Variants in MAGI2 observed in about 807,000 individuals in gnomAD.
MAGI2 encodes the protein membrane-associated guanylate kinase, WW and PDZ domain-containing protein 2.
MAGI2 carries 35 observed loss-of-function variants against 133.3 expected under a neutral mutation model. The observed-to-expected ratio is 0.26, with a 90% CI of 0.20 to 0.35. The LOEUF (loss-of-function observed/expected upper bound fraction) is 0.35. Ranked by LOEUF, MAGI2 falls within the 10% of genes least tolerant of loss-of-function variation. The pLI, the probability that MAGI2 is intolerant of heterozygous loss-of-function variation, is 1.00. For missense variants in MAGI2, 1,636 were observed against 1,863.4 expected, an observed-to-expected ratio of 0.88 and a Z score of 2.25; for synonymous variants, 729 against 710.6, an observed-to-expected ratio of 1.03 and a Z score of -0.41.
At chr7:78,482,878 TACACACACACAC>T (rs3086358) in intron 6 of MAGI2, among the ~76,000 whole-genome samples, 98 of 89,950 alleles carry the variant, frequency 1.1e-3, no homozygotes, top group African/African-American at 2.9e-3. Context: ...CACATGGAAC[TACACACACACAC>T]ACACACACAC....
At chr7:78,311,706 A>G (rs1334457205) in intron 9 of MAGI2, among the ~76,000 whole-genome samples, 4 of 152,208 alleles carry the variant, frequency 2.6e-5, no homozygotes, top group Non-Finnish European at 5.9e-5. Context: ...CATACTGATA[A>G]AACATTTAGA....
At chr7:78,579,460 A>C (rs1400992823) in intron 3 of MAGI2, among the ~76,000 whole-genome samples, 1 of 152,306 alleles carries the variant, frequency 6.6e-6, no homozygotes, top group Non-Finnish European at 1.5e-5. Flanking sequence ...TAGATTTACA[A>C]AAACAAAAGG....
chr7:78,609,811 G>A (rs918726831), intron 3 of MAGI2, among the ~76,000 whole-genome samples: 2 of 152,146 alleles, frequency 1.3e-5, no homozygotes, highest in African/African-American at 4.8e-5. Flanking sequence ...CTGTTATGTA[G>A]TAGGCTGATT....
At chr7:78,888,976 C>G (rs886081395) in intron 2 of MAGI2, among the ~76,000 whole-genome samples, 1 of 151,934 alleles carries the variant, frequency 6.6e-6, no homozygotes, top group Admixed American at 6.6e-5. Context: ...AGTTAAAAAC[C>G]TTGAAAAAAA....
chr7:78,846,107 T>G (rs1209620048), intron 2 of MAGI2, among the ~76,000 whole-genome samples: 1 of 151,886 alleles, frequency 6.6e-6, no homozygotes, highest in Non-Finnish European at 1.5e-5. Context: ...TATGCCATTT[T>G]GACAAGGTAC....
intron 21 of MAGI2, among the ~76,000 whole-genome samples, chr7:78,045,815 A>T (rs1811362493): frequency 6.6e-6 from 1 of 152,166 alleles, no homozygotes; most frequent in Non-Finnish European, 1.5e-5. Flanking sequence ...CATACTCCGG[A>T]TGGGAGATGT....
intron 1 of MAGI2, among the ~76,000 whole-genome samples, chr7:79,260,800 C>T (rs1211413630): frequency 2.0e-5 from 3 of 152,112 alleles, no homozygotes; most frequent in African/African-American, 7.2e-5. Flanking sequence ...GTCTCATCCC[C>T]AAGATATCTC....
intron 2 of MAGI2, among the ~76,000 whole-genome samples, chr7:78,690,239 C>T (rs943518612): frequency 6.6e-6 from 1 of 152,170 alleles, no homozygotes; most frequent in African/African-American, 2.4e-5. Flanking sequence ...CAAAGACACA[C>T]TTAGCGAATG....
At chr7:78,361,949 T>C (rs764834925) in intron 7 of MAGI2, among the ~76,000 whole-genome samples, 1 of 152,078 alleles carries the variant, frequency 6.6e-6, no homozygotes, top group African/African-American at 2.4e-5. Context: ...TGGATGGTAG[T>C]GGTGAGAAGA....
intron 2 of MAGI2, among the ~76,000 whole-genome samples, chr7:78,735,078 T>G (rs1031894174): frequency 6.6e-6 from 1 of 152,210 alleles, no homozygotes; most frequent in African/African-American, 2.4e-5. Flanking sequence ...CTACAATACA[T>G]GAAACATCTT....
chr7:78,995,268 G>A (rs1197031301), intron 2 of MAGI2, among the ~76,000 whole-genome samples: 1 of 152,102 alleles, frequency 6.6e-6, no homozygotes, highest in Non-Finnish European at 1.5e-5. Flanking sequence ...AATGGCCTAT[G>A]GGCTGTGGGT....
chr7:79,362,317 C>G (rs1028872947), intron 1 of MAGI2, among the ~76,000 whole-genome samples: 1 of 152,028 alleles, frequency 6.6e-6, no homozygotes, highest in Non-Finnish European at 1.5e-5. Flanking sequence ...CTACCAAACT[C>G]AACCAAAATG....
chr7:78,912,814 C>A (rs1273836108), intron 2 of MAGI2, among the ~76,000 whole-genome samples: 2 of 135,058 alleles, frequency 1.5e-5, no homozygotes, highest in African/African-American at 5.9e-5. Context: ...ATATATATAT[C>A]ATTCATATAT....
intron 9 of MAGI2, among the ~76,000 whole-genome samples, chr7:78,318,404 C>G (rs953581246): frequency 6.6e-6 from 1 of 151,886 alleles, no homozygotes; most frequent in Admixed American, 6.6e-5. Flanking sequence ...TGAAATAAAG[C>G]GAGAAGACAA....
At chr7:78,765,876 A>G (rs912117151) in intron 2 of MAGI2, among the ~76,000 whole-genome samples, 1 of 152,172 alleles carries the variant, frequency 6.6e-6, no homozygotes, top group African/African-American at 2.4e-5. Context: ...TTTTATAGAG[A>G]GAGCCAATTA....
At chr7:78,570,575 A>T (rs1368663786) in intron 3 of MAGI2, among the ~76,000 whole-genome samples, 4 of 152,168 alleles carry the variant, frequency 2.6e-5, no homozygotes, top group African/African-American at 9.7e-5. Flanking sequence ...GGACTACAGC[A>T]TGCAGTTCTG....
intron 10 of MAGI2, among the ~76,000 whole-genome samples, chr7:78,233,509 A>G (rs1389399155): frequency 6.6e-6 from 1 of 152,162 alleles, no homozygotes; most frequent in African/African-American, 2.4e-5. Context: ...AGTAAAGGCT[A>G]TTCCTACAAG....
chr7:79,027,407 A>G (rs1810005283), intron 1 of MAGI2, among the ~76,000 whole-genome samples: 1 of 151,804 alleles, frequency 6.6e-6, no homozygotes, highest in Non-Finnish European at 1.5e-5. Flanking sequence ...TTGCAGCAAC[A>G]TGGATGGGAT....
At chr7:78,262,017 T>C (rs1562705300) in intron 9 of MAGI2, among the ~76,000 whole-genome samples, 1 of 152,104 alleles carries the variant, frequency 6.6e-6, no homozygotes. Context: ...AGAGTTGAAG[T>C]TGGGTCTCCC....
Sources: gnomAD v4.1 joint callset for allele counts (sites outside exome capture counted in the v4.1 genomes callset) on GRCh38, gnomAD v4.1.1 for gene constraint, MANE v1.5 for transcripts, NCBI Gene and HGNC (gene_info 2026-07-23, HGNC 2026-07-21) for gene names.